Variants in DENR observed in about 807,000 individuals in gnomAD.
DENR encodes density regulated re-initiation and release factor.
Under a neutral mutation model 30.6 loss-of-function variants are expected in DENR, and 6 were observed. The observed-to-expected ratio is 0.20, with a 90% CI of 0.11 to 0.39. The LOEUF (loss-of-function observed/expected upper bound fraction) is 0.39, where lower values mean the gene tolerates loss of function less well. Among genes scored for constraint, DENR ranks in the 10% least tolerant of loss-of-function variants. DENR has a pLI of 1.00. For synonymous variants in DENR, 78 were observed against 72.1 expected, an observed-to-expected ratio of 1.08 and a Z score of -0.41; for missense variants, 141 against 230.9, an observed-to-expected ratio of 0.61 and a Z score of 2.52.
intron 6 of DENR, 131 bp downstream of exon 6, chr12:122,767,735 A>G (rs1332362851): frequency 2.2e-6 from 1 of 459,930 alleles, no homozygotes; most frequent in Non-Finnish European, 3.6e-6. Context: ...AAGAAGATAA[A>G]TTTTGCATTT....
At position 122,769,266 on chromosome 12, in the gene DENR, A is replaced by ATATATGTATACATATATACACT. The variant is rs1491504419; in HGVS notation, c.*209_*210insTTATATGTATACATATATACAC. ...TACATGTATATATATATACATACAC[A>ATATATGTATACATATATACACT]TATATGTATACATATATACACATAT... On this transcript the variant is annotated 3_prime_UTR_variant, in exon 8 of 8. Transcript: ENST00000280557. The ATATATGTATACATATATACACT allele has an allele frequency of 4.9e-5, 37 of 760,266 alleles. No homozygotes were observed. In the African/African-American group the frequency reaches 7.4e-4, roughly 15 times the overall value. The allele number at this position is 760,266 out of a possible 1,614,324, so 47.1% of individuals were successfully genotyped here. A position where few individuals can be genotyped will look rare whatever the true frequency, so the allele number is the denominator to read the frequency against.
intron 4 of DENR, 102 bp downstream of exon 4, chr12:122,763,031 C>A: frequency 1.5e-6 from 1 of 670,008 alleles, no homozygotes; most frequent in Non-Finnish European, 2.6e-6. Flanking sequence ...TAGGATATTA[C>A]AGAATTAACA....
rs112898406 is a variant in DENR at position 122,757,896 on chromosome 12, T to C, written c.106+4089T>C. ...GGAGACTTTATTTTTATTTTAATCT[T>C]TTCCACCCTCCTCCCCAAATTTAGA... On this transcript the variant is annotated intron_variant, in intron 2 of 7. Coordinates refer to ENST00000280557, the MANE Select transcript of DENR (RefSeq NM_003677.5). Among the ~76,000 whole-genome samples, 1,441 of 152,304 alleles carry C rather than the reference T, an allele frequency of 9.5e-3. 14 individuals carry two copies. Among genetic ancestry groups the C allele is most frequent in the Middle Eastern group, 0.027 (8 of 294 alleles).
intron 2 of DENR, among the ~76,000 whole-genome samples, chr12:122,761,961 G>C (rs1462292272): frequency 6.6e-6 from 1 of 152,146 alleles, no homozygotes; most frequent in African/African-American, 2.4e-5. Flanking sequence ...ATCAGCTGAT[G>C]GAGACACTCT....
In DENR at chr12:122,769,311, T is replaced by TAG. The variant is rs1001540537; in HGVS notation, c.*234_*235insGA. 1.6e-5 allele frequency: 15 copies of TAG among 927,840 alleles called. 2 individuals carry two copies. The highest frequency in any genetic ancestry group is 1.9e-5 in the Non-Finnish European group (15 of 775,958). 57.5% of individuals were successfully genotyped at this position (927,840 alleles called of 1,614,324 possible). A position where few individuals can be genotyped will look rare whatever the true frequency, so the allele number is the denominator to read the frequency against. On this transcript the variant is annotated 3_prime_UTR_variant, in exon 8 of 8. Coordinates refer to ENST00000280557, the MANE Select transcript of DENR (RefSeq NM_003677.5). ...ACATATATGTATACATATATACACATATGTATACATATATATATATTCTAC... is the reference window on the plus strand; with the variant it reads ...ACATATATGTATACATATATACACATAGATGTATACATATATATATATTCTAC...
At chr12:122,767,646 T>TTCTCTCTCTGTCTCCCTC in intron 6 of DENR, 42 bp downstream of exon 6, 2 of 1,181,456 alleles carry the variant, frequency 1.7e-6, no homozygotes, top group Non-Finnish European at 2.4e-6. Flanking sequence ...GTGAACTATT[T>TTCTCTCTCTGTCTCCCTC]TCTCTCTCTG....
Position 122,769,648 on chromosome 12 carries a change from A to G in DENR, c.*570A>G. The G allele has an allele frequency of 4.8e-6, 1 of 206,850 alleles. No homozygotes were observed. The highest frequency in any genetic ancestry group is 7.8e-5 in the South Asian group (1 of 12,794). 12.8% of individuals were successfully genotyped at this position (206,850 alleles called of 1,614,324 possible). A position where few individuals can be genotyped will look rare whatever the true frequency, so the allele number is the denominator to read the frequency against. The stretch of plus-strand genomic sequence containing the variant: ...CAGCCTCCCAAGTAGGTGGGATTAC[A>G]GGCGCCCGCCACCACGCCCAGCTAA... On this transcript the variant is annotated 3_prime_UTR_variant, in exon 8 of 8. Coordinates refer to ENST00000280557, the MANE Select transcript of DENR (RefSeq NM_003677.5).
chr12:122,758,075 T>C (rs1878597228), intron 2 of DENR, among the ~76,000 whole-genome samples: 1 of 152,154 alleles, frequency 6.6e-6, no homozygotes, highest in Non-Finnish European at 1.5e-5. Context: ...AGGCAGTTTT[T>C]GTTTGTTTGT....
rs1878968705 is a variant in DENR, at chr12:122,769,389, G to A, written c.*311G>A. 3.0e-6 allele frequency: 3 copies of A among 988,360 alleles called. No individual in the cohort carries two copies. In the South Asian group the frequency reaches 1.4e-4, roughly 46 times the overall value. The allele number at this position is 988,360 out of a possible 1,614,324, so 61.2% of individuals were successfully genotyped here. Reference sequence around the variant, plus strand: ...TGGCATTTTCACTGTTCTGTACAAGGCTGCTTGTTTTTTTATTGCCAAAGT... The same window carrying A: ...TGGCATTTTCACTGTTCTGTACAAGACTGCTTGTTTTTTTATTGCCAAAGT... On this transcript the variant is annotated 3_prime_UTR_variant, in exon 8 of 8. Coordinates refer to ENST00000280557, the MANE Select transcript of DENR (RefSeq NM_003677.5).
chr12:122,754,725 C>T (rs1878501816), intron 2 of DENR, among the ~76,000 whole-genome samples: 1 of 152,070 alleles, frequency 6.6e-6, no homozygotes, highest in South Asian at 2.1e-4. Flanking sequence ...TTTGCACCAA[C>T]CTAATCATTT....
At chr12:122,757,826 G>T (rs946396882) in intron 2 of DENR, among the ~76,000 whole-genome samples, 6 of 152,050 alleles carry the variant, frequency 3.9e-5, no homozygotes, top group African/African-American at 7.2e-5. Context: ...AAGGAAGGAG[G>T]AAGTGCCTGA....
intron 4 of DENR, among the ~76,000 whole-genome samples, chr12:122,763,615 C>A (rs1359884289): frequency 6.6e-6 from 1 of 151,892 alleles, no homozygotes; most frequent in Admixed American, 6.6e-5. Flanking sequence ...GCAGAAGAAT[C>A]GCTTGAATCC....
chr12:122,756,454 G>A (rs1878553013), intron 2 of DENR, among the ~76,000 whole-genome samples: 1 of 152,090 alleles, frequency 6.6e-6, no homozygotes, highest in African/African-American at 2.4e-5. Context: ...AGAAAAAAAA[G>A]AAGAAAGAGA....
intron 2 of DENR, 104 bp from the exon 3 acceptor site, chr12:122,762,083 T>C: frequency 1.3e-6 from 1 of 765,238 alleles, no homozygotes. Context: ...AGGGAAAATG[T>C]AAAAATGAAG....
chr12:122,770,570 T>C lies in DENR; in HGVS notation c.*1492T>C. ...AGTCCTGGAAATAGCAATTGAAACA[T>C]GTCTTCTCACAAGAGAAAATGACAG... On this transcript the variant is annotated 3_prime_UTR_variant, in exon 8 of 8. Transcript: ENST00000280557. 2.5e-6 allele frequency: 1 copy of C among 398,426 alleles called. No individual in the cohort carries two copies. The highest frequency in any genetic ancestry group is 4.4e-6 in the Non-Finnish European group (1 of 225,994). 24.7% of individuals were successfully genotyped at this position (398,426 alleles called of 1,614,324 possible). A position where few individuals can be genotyped will look rare whatever the true frequency, so the allele number is the denominator to read the frequency against.
intron 5 of DENR, among the ~76,000 whole-genome samples, chr12:122,765,792 G>A (rs1333834790): frequency 6.6e-6 from 1 of 152,090 alleles, no homozygotes; most frequent in Non-Finnish European, 1.5e-5. Context: ...TATTTGCCCT[G>A]TTTGTATGTA....
intron 5 of DENR, among the ~76,000 whole-genome samples, chr12:122,765,709 A>G (rs1256049086): frequency 6.6e-6 from 1 of 152,208 alleles, no homozygotes; most frequent in Non-Finnish European, 1.5e-5. Context: ...AAAGGGGCAC[A>G]TACTAATAGG....
chr12:122,758,839 A>ATTT (rs1326385469), intron 2 of DENR, among the ~76,000 whole-genome samples: 10 of 109,150 alleles, frequency 9.2e-5, no homozygotes, highest in East Asian at 2.5e-4. Context: ...TAGAGGCTTA[A>ATTT]TTTTTTATTT....
intron 2 of DENR, among the ~76,000 whole-genome samples, chr12:122,760,090 A>G (rs1878655082): frequency 1.3e-5 from 2 of 152,138 alleles, no homozygotes; most frequent in African/African-American, 4.8e-5. Context: ...AAGGCAGATC[A>G]TTTTCAGCTG....
Sources: gnomAD v4.1 joint callset for allele counts (sites outside exome capture counted in the v4.1 genomes callset) on GRCh38, gnomAD v4.1.1 for gene constraint, MANE v1.5 for transcripts, NCBI Gene and HGNC (gene_info 2026-07-23, HGNC 2026-07-21) for gene names.